TJP2: variants seen among roughly 807,000 people sequenced by gnomAD.
TJP2 encodes the protein tight junction protein 2, also known as Friedreich ataxia region gene X104 (tight junction protein ZO-2).
Under a neutral mutation model 133.1 loss-of-function variants are expected in TJP2, and 91 were observed. The observed-to-expected ratio is 0.68, with a 90% CI of 0.58 to 0.81. The LOEUF (loss-of-function observed/expected upper bound fraction) is 0.81, where lower values mean the gene tolerates loss of function less well. TJP2 is among the 40% of genes least tolerant of loss of function. The pLI, the probability that TJP2 is intolerant of heterozygous loss-of-function variation, is 0.00. For missense variants in TJP2, 1,541 were observed against 1,565.6 expected, an observed-to-expected ratio of 0.98 and a Z score of 0.26; for synonymous variants, 592 against 583.4, an observed-to-expected ratio of 1.01 and a Z score of -0.21.
Position 69,227,813 on chromosome 9 carries a change from G to A in TJP2, c.1259G>A (p.Arg420His), listed in dbSNP as rs201850095. 2.3e-5 allele frequency: 37 copies of A among 1,613,738 alleles called. No individual in the cohort carries two copies. The highest frequency in any genetic ancestry group is 1.7e-4 in the Middle Eastern group (1 of 6,048). Residue 420 changes from arginine to histidine, a missense_variant, in exon 8 of 23, where the codon CGT becomes CAT. Arg to His is a conservative substitution (Grantham distance 29, BLOSUM62 0). Transcript: ENST00000377245. The stretch of plus-strand genomic sequence containing the variant: ...CGATCATTTTCTCCAGAGGAGAGAC[G>A]TCATCAGTATTCTGATTATGATTAT... ...SNRSFSPEER[R>H]HQYSDYDYHS...
chr9:69,253,176 T>TGCACATGGTTA (rs1450886945), intron 22 of TJP2: 2 of 493,520 alleles, frequency 4.1e-6, no homozygotes, highest in African/African-American at 3.9e-5. Context: ...TATGTTACAT[T>TGCACATGGTTA]GCACATGGTT....
chr9:69,235,238 A>G (rs766353821), intron 12 of TJP2, among the ~76,000 whole-genome samples: 4 of 152,182 alleles, frequency 2.6e-5, no homozygotes, highest in African/African-American at 4.8e-5. Flanking sequence ...GTCAGGGAAA[A>G]GAGCTGATGT....
chr9:69,188,083 G>A (rs562300512), intron 1 of TJP2, among the ~76,000 whole-genome samples: 2 of 152,332 alleles, frequency 1.3e-5, no homozygotes, highest in African/African-American at 4.8e-5. Context: ...TATGGGGTGC[G>A]TTGGGGGCTG....
intron 1 of TJP2, among the ~76,000 whole-genome samples, chr9:69,150,247 T>C (rs1823404928): frequency 1.3e-5 from 2 of 152,150 alleles, no homozygotes. Context: ...TTTGGAATGG[T>C]AAATTTTATG....
intron 1 of TJP2, among the ~76,000 whole-genome samples, chr9:69,209,738 C>T (rs1305163184): frequency 3.6e-5 from 5 of 139,396 alleles, no homozygotes; most frequent in African/African-American, 1.1e-4. Context: ...TGGGCTGGAG[C>T]AAAACTCCAT....
At chr9:69,133,435 C>A (rs533320966) in intron 1 of TJP2, among the ~76,000 whole-genome samples, 3 of 152,210 alleles carry the variant, frequency 2.0e-5, no homozygotes, top group Non-Finnish European at 4.4e-5. Context: ...CTGCAAGTCA[C>A]TTCAGAGGCA....
At chr9:69,228,576 G>A (rs1829524076) in intron 9 of TJP2, among the ~76,000 whole-genome samples, 1 of 152,148 alleles carries the variant, frequency 6.6e-6, no homozygotes, top group African/African-American at 2.4e-5. Flanking sequence ...ATGCATGTGT[G>A]TATATATGTA....
intron 11 of TJP2, 87 bp downstream of exon 11, chr9:69,230,319 G>A: frequency 6.4e-7 from 1 of 1,561,558 alleles, no homozygotes; most frequent in Non-Finnish European, 8.8e-7. Context: ...AGACAAAATG[G>A]TTCAGCTGGT....
intron 1 of TJP2, among the ~76,000 whole-genome samples, chr9:69,211,021 G>T (rs1400989325): frequency 6.6e-6 from 1 of 152,178 alleles, no homozygotes; most frequent in Non-Finnish European, 1.5e-5. Context: ...ACTGCACCCA[G>T]CCCTCTTCTA....
At chr9:69,250,394 G>A (rs1831246102) in intron 20 of TJP2, among the ~76,000 whole-genome samples, 1 of 152,184 alleles carries the variant, frequency 6.6e-6, no homozygotes, top group Admixed American at 6.5e-5. Flanking sequence ...GTGAGCCACT[G>A]CGCCCAGCCT....
At chr9:69,179,954 T>C (rs1825377495) in intron 1 of TJP2, among the ~76,000 whole-genome samples, 1 of 152,238 alleles carries the variant, frequency 6.6e-6, no homozygotes, top group Non-Finnish European at 1.5e-5. Flanking sequence ...CCTATATGTG[T>C]ATGTGAACAT....
chr9:69,130,015 C>CAAAAAAAAAAAAAAAAGAAA (rs1822419884), intron 1 of TJP2, among the ~76,000 whole-genome samples: 1 of 94,176 alleles, frequency 1.1e-5, no homozygotes. Flanking sequence ...AACTCTGCCT[C>CAAAAAAAAAAAAAAAAGAAA]AAAAAAAAAA....
intron 1 of TJP2, among the ~76,000 whole-genome samples, chr9:69,129,653 A>T (rs889307517): frequency 5.3e-5 from 8 of 152,208 alleles, no homozygotes; most frequent in African/African-American, 1.9e-4. Context: ...AGAGTAGACT[A>T]AGGCTGGGTG....
At chr9:69,129,922 A>G (rs1272803578) in intron 1 of TJP2, among the ~76,000 whole-genome samples, 1 of 151,886 alleles carries the variant, frequency 6.6e-6, no homozygotes, top group African/African-American at 2.4e-5. Context: ...GGCTGAGGCA[A>G]GAAAATCGCC....
chr9:69,179,716 GTCTTGATC>G (rs1422659267), intron 1 of TJP2, among the ~76,000 whole-genome samples: 3 of 151,914 alleles, frequency 2.0e-5, no homozygotes, highest in Admixed American at 2.0e-4. Flanking sequence ...AGCCAGGATG[GTCTTGATC>G]TCCTGACCTC....
chr9:69,205,249 A>G (rs1827307625), intron 1 of TJP2: 2 of 1,537,284 alleles, frequency 1.3e-6, no homozygotes, highest in South Asian at 1.2e-5. Flanking sequence ...TCCCTCTGCA[A>G]GCTCTCCCCT....
At chr9:69,174,484 G>A in intron 1 of TJP2, 52 bp downstream of exon 1, 1 of 1,531,316 alleles carries the variant, frequency 6.5e-7, no homozygotes, top group Non-Finnish European at 8.9e-7. Flanking sequence ...GAGCGTGAGC[G>A]TGGGAGCGCT....
At chr9:69,239,790 G>A in intron 16 of TJP2, 147 bp from the exon 17 acceptor site, 1 of 807,014 alleles carries the variant, frequency 1.2e-6, no homozygotes, top group South Asian at 1.6e-5. Context: ...CTCCAGCCTG[G>A]GCAACAGAGC....
chr9:69,218,151 A>T, intron 3 of TJP2, 106 bp from the exon 4 acceptor site: 1 of 955,756 alleles, frequency 1.0e-6, no homozygotes, highest in Non-Finnish European at 1.7e-6. Context: ...TGAGCCCTTT[A>T]GAAAGCCTTT....
Sources: allele counts gnomAD v4.1 joint callset (sites outside exome capture counted in the v4.1 genomes callset), GRCh38; gene constraint gnomAD v4.1.1; transcripts MANE v1.5; gene names NCBI Gene and HGNC (gene_info 2026-07-23, HGNC 2026-07-21).